SH3BP4: variants seen among roughly 807,000 people sequenced by gnomAD.
SH3BP4 encodes SH3 domain binding protein 4.
Under a neutral mutation model 65.5 loss-of-function variants are expected in SH3BP4, and 33 were observed. That is an observed-to-expected ratio of 0.50 (90% CI 0.38 to 0.67). SH3BP4 has a LOEUF of 0.67. Ranked by LOEUF, SH3BP4 falls within the 30% of genes least tolerant of loss-of-function variation. The probability of loss-of-function intolerance (pLI) is 0.00; values close to 1 mark genes in which losing one functional copy is unlikely to be tolerated. For missense variants in SH3BP4, 1,134 were observed against 1,261.4 expected, an observed-to-expected ratio of 0.90 and a Z score of 1.53; for synonymous variants, 552 against 545.5, an observed-to-expected ratio of 1.01 and a Z score of -0.17.
At chr2:234,993,398 G>C (rs143085758) in intron 1 of SH3BP4, among the ~76,000 whole-genome samples, 1 of 152,172 alleles carries the variant, frequency 6.6e-6, no homozygotes. Flanking sequence ...CAGCAGTGCC[G>C]GTGCCTGCCT....
intron 1 of SH3BP4, among the ~76,000 whole-genome samples, chr2:234,971,592 T>C (rs1443147087): frequency 6.6e-6 from 1 of 152,226 alleles, no homozygotes; most frequent in Non-Finnish European, 1.5e-5. Flanking sequence ...AGTCACTCCA[T>C]TTGGCATTTC....
At chr2:235,004,537 C>T (rs530502486) in intron 2 of SH3BP4, among the ~76,000 whole-genome samples, 3 of 152,310 alleles carry the variant, frequency 2.0e-5, no homozygotes, top group South Asian at 4.1e-4. Flanking sequence ...CCCTCCTTCC[C>T]GCCCCTGACA....
At chr2:235,005,433 C>T (rs1694264038) in intron 2 of SH3BP4, among the ~76,000 whole-genome samples, 2 of 152,138 alleles carry the variant, frequency 1.3e-5, no homozygotes, top group South Asian at 2.1e-4. Flanking sequence ...CCCTTCCCCA[C>T]TTCCCTGGCG....
chr2:234,963,511 G>A (rs1692762469), intron 1 of SH3BP4, among the ~76,000 whole-genome samples: 1 of 152,194 alleles, frequency 6.6e-6, no homozygotes, highest in Non-Finnish European at 1.5e-5. Context: ...AGATCCTGAC[G>A]TGCTTTGCGT....
chr2:235,040,567 G>A (rs76711788), intron 3 of SH3BP4, among the ~76,000 whole-genome samples: 3 of 151,046 alleles, frequency 2.0e-5, no homozygotes, highest in East Asian at 3.9e-4. Flanking sequence ...TTTTAACGTT[G>A]CCCAAAATGA....
chr2:234,956,445 TGAA>T (rs1559222240), intron 1 of SH3BP4, among the ~76,000 whole-genome samples: 1 of 152,254 alleles, frequency 6.6e-6, no homozygotes, highest in Non-Finnish European at 1.5e-5. Flanking sequence ...CTCTCTTTGC[TGAA>T]GCCTGTTAGC....
chr2:235,012,690 C>T (rs949302114), intron 2 of SH3BP4, among the ~76,000 whole-genome samples: 1 of 152,200 alleles, frequency 6.6e-6, no homozygotes, highest in African/African-American at 2.4e-5. Context: ...CCTTACTCCT[C>T]GGAGTGCATT....
intron 2 of SH3BP4, among the ~76,000 whole-genome samples, chr2:235,007,348 TC>T (rs1694327496): frequency 6.6e-6 from 1 of 152,144 alleles, no homozygotes; most frequent in Non-Finnish European, 1.5e-5. Context: ...GACTCTCTGA[TC>T]CTTTACCACA....
At position 234,967,346 on chromosome 2, in the gene SH3BP4, G is replaced by A. The variant is rs1367221735; in HGVS notation, c.-207+15176G>A. 1.3e-5 allele frequency among the ~76,000 whole-genome samples: 2 copies of A among 152,160 alleles called. No homozygotes were observed. Among genetic ancestry groups the A allele is most frequent in the Non-Finnish European group, 2.9e-5 (2 of 68,016 alleles). ...GATGACGTGTGAGGGTGGGCGGGAG[G>A]TTGCCAGGTGGGTAATCAGGAGGAT... On this transcript the variant is annotated intron_variant, in intron 1 of 5. Transcript: ENST00000392011. This position sits in a 1 kb window ranked among gnomAD's most constrained non-coding sequence, Gnocchi z 4.6.
At position 235,034,845 on chromosome 2, in the gene SH3BP4, CT is replaced by C. The variant is rs1171449894; in HGVS notation, c.-132-20del. ...ACCCATGTTTCGCTTGCTTAAGGGA[CT>C]TTTTTGTTCCTCCTCTACTTTCAGG... is the stretch of plus-strand genomic sequence containing the variant. On this transcript the variant is annotated intron_variant, in intron 2 of 5. Coordinates refer to ENST00000392011, the MANE Select transcript of SH3BP4 (RefSeq NM_014521.3). This position sits in a 1 kb window ranked among gnomAD's most constrained non-coding sequence, Gnocchi z 6.2. 1.5e-5 allele frequency: 9 copies of C among 617,782 alleles called. No individual in the cohort carries two copies. The highest frequency in any genetic ancestry group is 2.9e-5 in the Admixed American group (1 of 34,328). 38.3% of individuals were successfully genotyped at this position (617,782 alleles called of 1,614,324 possible).
rs200804299 is a variant in SH3BP4, at chr2:235,053,802, G to A, written c.2878G>A (p.Asp960Asn). The A allele has an allele frequency of 6.1e-5, 99 of 1,613,970 alleles. No individual in the cohort carries two copies. The Admixed American group carries it at 6.3e-4, about 10-fold the overall frequency. ...CGCCTTCAGCCCTGCGGACCAGGACGACTTCGTGATTTGAATGGGTCCCCT... is the reference window on the plus strand; with the variant it reads ...CGCCTTCAGCCCTGCGGACCAGGACAACTTCGTGATTTGAATGGGTCCCCT... ...AAAFSPADQD[D>N]FVI Residue 960 changes from aspartate (D) to asparagine (N), a missense_variant, in exon 6 of 6, where the codon GAC becomes AAC. By Grantham distance (23) the Asp-to-Asn change is conservative. Transcript: ENST00000392011.
intron 2 of SH3BP4, among the ~76,000 whole-genome samples, chr2:235,015,985 A>T (rs1243140070): frequency 6.6e-6 from 1 of 152,002 alleles, no homozygotes; most frequent in Admixed American, 6.5e-5. Context: ...CATCAGTCAC[A>T]TGGGGGTACG....
intron 1 of SH3BP4, among the ~76,000 whole-genome samples, chr2:234,968,517 T>G (rs1692897800): frequency 6.6e-6 from 1 of 152,166 alleles, no homozygotes; most frequent in Non-Finnish European, 1.5e-5. Flanking sequence ...GAGAATGCCT[T>G]CAGTGTTTGT....
intron 2 of SH3BP4, among the ~76,000 whole-genome samples, chr2:235,031,650 G>A (rs898399847): frequency 2.0e-5 from 3 of 152,204 alleles, no homozygotes; most frequent in African/African-American, 7.2e-5. Flanking sequence ...CACACTTGCA[G>A]GGCCAGGTCT....
chr2:235,039,127 G>A (rs749432506), intron 3 of SH3BP4, among the ~76,000 whole-genome samples: 3 of 152,130 alleles, frequency 2.0e-5, no homozygotes, highest in Non-Finnish European at 4.4e-5. Flanking sequence ...CTCGAGTCTG[G>A]GTTTAGTGAT....
At chr2:235,002,452 G>A (rs1262724208) in intron 2 of SH3BP4, among the ~76,000 whole-genome samples, 1 of 152,138 alleles carries the variant, frequency 6.6e-6, no homozygotes, top group Non-Finnish European at 1.5e-5. Flanking sequence ...CCAAGGTCAA[G>A]CTGGATGCGG....
chr2:234,982,858 A>G (rs927322524), intron 1 of SH3BP4, among the ~76,000 whole-genome samples: 1 of 128,248 alleles, frequency 7.8e-6, no homozygotes, highest in African/African-American at 3.0e-5. Flanking sequence ...GCCTGGCTCC[A>G]AGGGAGGAAG....
Position 235,042,380 on chromosome 2 carries a change from C to A in SH3BP4, c.1611C>A (p.Leu537=), listed in dbSNP as rs781050878. 6.2e-7 allele frequency: 1 copy of A among 1,614,168 alleles called. No individual in the cohort carries two copies. Among genetic ancestry groups the A allele is most frequent in the East Asian group, 2.2e-5 (1 of 44,866 alleles). The change falls in exon 4 of 6, where the codon CTC becomes CTA. Residue 537 remains leucine (L), a synonymous_variant. Transcript: ENST00000392011. This position sits in a 1 kb window ranked among gnomAD's most constrained non-coding sequence, Gnocchi z 7.3. ...TCGTTTTGTCCAGGCCCCAGGATCT[C>A]AAGGTCTGTATGTTTTCCAATATGA... ...HQFVLSRPQD[L]KVCMFSNMTN...
rs1426318754 is a variant in SH3BP4, at chr2:234,975,445, G to T, written c.-206-19858G>T. Among the ~76,000 whole-genome samples, 3 of 152,282 alleles carry T rather than the reference G, an allele frequency of 2.0e-5. No homozygotes were observed. The East Asian group carries it at 5.8e-4, about 29-fold the overall frequency. On this transcript the variant is annotated intron_variant, in intron 1 of 5. Transcript: ENST00000392011. ...CAGCATCTGAGTCCCATCGTCTAAT[G>T]TGGCTTTAACCTCAGGATCGGGCCT... is the stretch of plus-strand genomic sequence containing the variant.
Sources: gnomAD v4.1 joint callset for allele counts (sites outside exome capture counted in the v4.1 genomes callset) on GRCh38, gnomAD v4.1.1 for gene constraint, Gnocchi (gnomAD v3.1) non-coding constraint, MANE v1.5 for transcripts, NCBI Gene and HGNC (gene_info 2026-07-23, HGNC 2026-07-21) for gene names.